TUBGCP3: variants seen among roughly 807,000 people sequenced by gnomAD.
TUBGCP3 encodes the protein tubulin gamma complex component 3.
In TUBGCP3, 50 loss-of-function variants were observed where a neutral mutation model predicts 123.1. The observed-to-expected ratio is 0.41, with a 90% CI of 0.32 to 0.51. The LOEUF is 0.51. Ranked by LOEUF, TUBGCP3 falls within the 20% of genes least tolerant of loss-of-function variation. The pLI is 0.36. For missense variants in TUBGCP3, 882 were observed against 1,127.0 expected (o/e 0.78, Z 3.11); for synonymous variants, 405 against 413.9 (o/e 0.98, Z 0.26).
chr13:112,500,139 A>G (rs1036688773), intron 19 of TUBGCP3, among the ~76,000 whole-genome samples: 1 of 152,194 alleles, frequency 6.6e-6, no homozygotes, highest in Non-Finnish European at 1.5e-5. Context: ...ACCCTCTGCC[A>G]TCTTAGGTTT....
At chr13:112,516,637 T>C (rs3861729) in intron 16 of TUBGCP3, 62 bp from the exon 17 acceptor site, 326,244 of 1,510,750 alleles carry the variant, frequency 0.22, 37,194 homozygotes, top group East Asian at 0.43. Flanking sequence ...TCAGTACAGG[T>C]CTCAATCTTT....
At chr13:112,522,039 C>G (rs1876667738) in intron 14 of TUBGCP3, among the ~76,000 whole-genome samples, 1 of 152,172 alleles carries the variant, frequency 6.6e-6, no homozygotes, top group Non-Finnish European at 1.5e-5. Flanking sequence ...TTGACCAACT[C>G]CTCATACATG....
At position 112,489,614 on chromosome 13, in the gene TUBGCP3, G is replaced by A. The variant is rs1456043500; in HGVS notation, c.2532C>T (p.Cys844=). The A allele has an allele frequency of 1.2e-6, 2 of 1,614,066 alleles. No individual in the cohort carries two copies. Among genetic ancestry groups the A allele is most frequent in the Admixed American group, 1.7e-5 (1 of 60,010 alleles). Residue 844 remains cysteine, a synonymous_variant, in exon 21 of 22, where the codon TGC becomes TGT. Coordinates refer to ENST00000261965, the MANE Select transcript of TUBGCP3 (RefSeq NM_006322.6). ...AATGGGTCAATATTCGCAACTGTGA[G>A]CACATTTTTGGTATAGATTCTTTAA... ...GEFKESIPKM[C]SQLRILTHFY...
chr13:112,494,939 T>C (rs114886584), intron 20 of TUBGCP3, among the ~76,000 whole-genome samples: 1,777 of 152,362 alleles, frequency 0.012, 32 homozygotes, highest in African/African-American at 0.04. Context: ...CCTGTTGAGC[T>C]GTTTGGGCTC....
In TUBGCP3 at chr13:112,519,777, A is replaced by AT; in HGVS notation, c.1881+108dup. ...CTCAGGCTGCCCAGTTTCCAGAAAG[A>AT]TAACGGCTAGCTGTGCCTGAAACAA... On this transcript the variant is annotated intron_variant, in intron 15 of 21. Coordinates refer to ENST00000261965, the MANE Select transcript of TUBGCP3 (RefSeq NM_006322.6). The surrounding 1 kb of genome is among the most constrained non-coding windows in gnomAD (Gnocchi z 6.2). 1 of 1,400,454 alleles carries AT rather than the reference A, an allele frequency of 7.1e-7. No individual in the cohort carries two copies. The highest frequency in any genetic ancestry group is 9.4e-7 in the Non-Finnish European group (1 of 1,067,370). 86.8% of individuals were successfully genotyped at this position (1,400,454 alleles called of 1,614,324 possible). A position where few individuals can be genotyped will look rare whatever the true frequency, so the allele number is the denominator to read the frequency against.
At chr13:112,514,334 G>A (rs1338399431) in intron 17 of TUBGCP3, among the ~76,000 whole-genome samples, 2 of 151,952 alleles carry the variant, frequency 1.3e-5, no homozygotes, top group African/African-American at 4.8e-5. Flanking sequence ...TAGATAAAGG[G>A]AATACTATAT....
intron 21 of TUBGCP3, among the ~76,000 whole-genome samples, chr13:112,488,058 G>A (rs1205350813): frequency 6.6e-6 from 1 of 151,120 alleles, no homozygotes; most frequent in Non-Finnish European, 1.5e-5. Context: ...TTTGAACCCA[G>A]GAGACGGGGA....
the TUBGCP3 span, among the ~76,000 whole-genome samples, chr13:112,601,991 A>G: frequency 6.6e-6 from 1 of 152,194 alleles, no homozygotes; most frequent in African/African-American, 2.4e-5. Flanking sequence ...CTTAGCAGTT[A>G]TATCTCCAAT....
At chr13:112,582,103 A>G (rs1882312455) in intron 1 of TUBGCP3, among the ~76,000 whole-genome samples, 1 of 152,244 alleles carries the variant, frequency 6.6e-6, no homozygotes, top group Non-Finnish European at 1.5e-5. Flanking sequence ...CCAGACTACT[A>G]AAGAAATTAG....
intron 4 of TUBGCP3, 61 bp downstream of exon 4, chr13:112,559,261 C>T (rs1220289323): frequency 1.4e-6 from 2 of 1,414,694 alleles, no homozygotes. Flanking sequence ...GAAGCCGTTT[C>T]CTATCAAAGT....
At chr13:112,510,960 A>T (rs1881637079) in intron 17 of TUBGCP3, among the ~76,000 whole-genome samples, 1 of 152,238 alleles carries the variant, frequency 6.6e-6, no homozygotes, top group Non-Finnish European at 1.5e-5. Flanking sequence ...AACAGCAAGC[A>T]CACCTCCTGC....
intron 20 of TUBGCP3, among the ~76,000 whole-genome samples, chr13:112,492,728 T>C (rs1880188652): frequency 1.3e-5 from 2 of 148,952 alleles, no homozygotes; most frequent in Non-Finnish European, 3.0e-5. Context: ...GGGCCTGGTA[T>C]CCCTAAGACG....
the TUBGCP3 span, among the ~76,000 whole-genome samples, chr13:112,597,963 C>A: frequency 1.3e-5 from 2 of 152,114 alleles, no homozygotes; most frequent in Non-Finnish European, 2.9e-5. Context: ...GTGCCACAAA[C>A]CACAGCCACA....
At chr13:112,528,677 T>C (rs1394598913) in intron 11 of TUBGCP3, among the ~76,000 whole-genome samples, 5 of 152,204 alleles carry the variant, frequency 3.3e-5, no homozygotes, top group Non-Finnish European at 7.3e-5. Context: ...TTGTTTATAG[T>C]ATGGTCCATA....
chr13:112,512,156 C>G (rs1381696469), intron 17 of TUBGCP3, among the ~76,000 whole-genome samples: 1 of 152,192 alleles, frequency 6.6e-6, no homozygotes, highest in Admixed American at 6.5e-5. Context: ...CACAGTAGCT[C>G]ACGCCCATAA....
intron 20 of TUBGCP3, among the ~76,000 whole-genome samples, chr13:112,492,133 T>TA (rs1316865777): frequency 6.6e-6 from 1 of 152,240 alleles, no homozygotes; most frequent in Non-Finnish European, 1.5e-5. Context: ...ATCAATACTC[T>TA]AATCTGGGCA....
intron 13 of TUBGCP3, among the ~76,000 whole-genome samples, chr13:112,526,314 CCAT>C (rs948355981): frequency 3.4e-5 from 5 of 145,360 alleles, no homozygotes; most frequent in Admixed American, 1.4e-4. Flanking sequence ...ACTGCCACCA[CCAT>C]GCCATCATCA....
At chr13:112,550,978 G>A (rs1365845255) in intron 8 of TUBGCP3, among the ~76,000 whole-genome samples, 3 of 152,090 alleles carry the variant, frequency 2.0e-5, no homozygotes, top group South Asian at 2.1e-4. Flanking sequence ...GGGTGCCTGT[G>A]GTTCCGGCTA....
chr13:112,599,349 A>G, the TUBGCP3 span, among the ~76,000 whole-genome samples: 7 of 152,360 alleles, frequency 4.6e-5, no homozygotes, highest in African/African-American at 1.7e-4. Context: ...CCCTACGGAT[A>G]GAATCTCCAC....
Sources: allele counts gnomAD v4.1 joint callset (sites outside exome capture counted in the v4.1 genomes callset), GRCh38; gene constraint gnomAD v4.1.1; non-coding constraint Gnocchi (gnomAD v3.1); transcripts MANE v1.5; gene names NCBI Gene and HGNC (gene_info 2026-07-23, HGNC 2026-07-21).